SMPDL3B: variants seen among roughly 807,000 people sequenced by gnomAD.
SMPDL3B encodes the protein acid sphingomyelinase-like phosphodiesterase 3b.
In SMPDL3B, 31 loss-of-function variants were observed where a neutral mutation model predicts 37.9. That is an observed-to-expected ratio of 0.82 (90% CI 0.61 to 1.10). SMPDL3B has a LOEUF of 1.10. SMPDL3B is among the 50% of genes least tolerant of loss of function. The pLI, the probability that SMPDL3B is intolerant of heterozygous loss-of-function variation, is 0.00. For synonymous variants in SMPDL3B, 235 were observed against 242.6 expected (o/e 0.97, Z 0.29); for missense variants, 525 against 597.8 (o/e 0.88, Z 1.27).
intron 2 of SMPDL3B, 152 bp from the exon 3 acceptor site, chr1:27,948,913 A>C (rs2090432145): frequency 6.9e-7 from 1 of 1,447,410 alleles, no homozygotes; most frequent in Admixed American, 2.0e-5. Context: ...GCTCTGTCCC[A>C]TCTGACTCCA....
At chr1:27,953,379 T>C in intron 4 of SMPDL3B, 21 bp downstream of exon 4, 2 of 1,595,764 alleles carry the variant, frequency 1.3e-6, no homozygotes, top group Non-Finnish European at 1.7e-6. Context: ...CACCTGCTCC[T>C]ATCAAGAGCA....
chr1:27,944,890 A>C (rs1434465835), intron 1 of SMPDL3B, among the ~76,000 whole-genome samples: 1 of 152,094 alleles, frequency 6.6e-6, no homozygotes, highest in Non-Finnish European at 1.5e-5. Flanking sequence ...TCAGAGCCTG[A>C]GCACTTAACC....
At chr1:27,947,001 A>C (rs1293448941) in intron 2 of SMPDL3B, among the ~76,000 whole-genome samples, 1 of 150,302 alleles carries the variant, frequency 6.7e-6, no homozygotes, top group East Asian at 1.9e-4. Context: ...GACAGATGGG[A>C]TCCCTCAGGA....
chr1:27,937,216 A>G (rs2148671895), intron 1 of SMPDL3B, among the ~76,000 whole-genome samples: 1 of 152,316 alleles, frequency 6.6e-6, no homozygotes, highest in Non-Finnish European at 1.5e-5. Context: ...GGTGGATGCC[A>G]ACTTGCTGGC....
chr1:27,955,807 G>C lies in SMPDL3B; in HGVS notation c.814G>C (p.Gly272Arg). ...VVRKHHRVIA[G>R]QFFGHHHTDS... ...CCGGAAGCATCATCGCGTCATAGCA[G>C]GGCAGTTCTTCGGGCACCACCACAC... Residue 272 changes from glycine to arginine, a missense_variant, in exon 6 of 8, where the codon GGG becomes CGG. Transcript: ENST00000373894. The C allele has an allele frequency of 6.2e-7, 1 of 1,614,148 alleles. No homozygotes were observed. The highest frequency in any genetic ancestry group is 8.5e-7 in the Non-Finnish European group (1 of 1,180,032).
intron 1 of SMPDL3B, chr1:27,942,281 C>A (rs17162914): frequency 2.1e-6 from 1 of 469,584 alleles, no homozygotes; most frequent in Non-Finnish European, 4.4e-6. Flanking sequence ...GCAGAGGAAG[C>A]GCAAGGACCA....
Position 27,954,524 on chromosome 1 carries a change from A to T in SMPDL3B, c.688A>T (p.Met230Leu). ...VLTDASKAGD[M>L]VYIVGHVPPG... ...GACCGATGCATCCAAAGCTGGGGAC[A>T]TGGTAAGAGGCCCTGCTTCTTTCTT... is the stretch of plus-strand genomic sequence containing the variant. Residue 230 changes from methionine to leucine, a missense_variant and splice_region_variant, in exon 5 of 8, where the codon ATG (methionine) becomes TTG (leucine). Met to Leu is a conservative substitution (Grantham distance 15, BLOSUM62 2). Coordinates refer to ENST00000373894, the MANE Select transcript of SMPDL3B (RefSeq NM_014474.4). 1 of 1,613,546 alleles carries T rather than the reference A, an allele frequency of 6.2e-7. No individual in the cohort carries two copies. The highest frequency in any genetic ancestry group is 8.5e-7 in the Non-Finnish European group (1 of 1,179,784).
intron 1 of SMPDL3B, among the ~76,000 whole-genome samples, chr1:27,939,954 T>C (rs1434387760): frequency 6.6e-6 from 1 of 152,238 alleles, no homozygotes; most frequent in Non-Finnish European, 1.5e-5. Context: ...AGATTTTTAA[T>C]ATTGCTTTTG....
chr1:27,953,727 C>T (rs934227141), intron 4 of SMPDL3B, among the ~76,000 whole-genome samples: 4 of 152,208 alleles, frequency 2.6e-5, no homozygotes, highest in African/African-American at 9.6e-5. Context: ...ATAACTCTGT[C>T]GCAGACAACT....
rs1638390737 is a variant in SMPDL3B at position 27,958,930 on chromosome 1, TGAG to T, written c.*96_*98del. ...GGCCTTCCACCATTTCCTCCGCGCC[TGAG>T]GAGTGAACTGAAATAGGACAACCGA... is the stretch of plus-strand genomic sequence containing the variant. On this transcript the variant is annotated 3_prime_UTR_variant, in exon 8 of 8. Coordinates refer to ENST00000373894, the MANE Select transcript of SMPDL3B (RefSeq NM_014474.4). This position sits in a 1 kb window ranked among gnomAD's most constrained non-coding sequence, Gnocchi z 5.6. The T allele has an allele frequency of 4.4e-6, 6 of 1,372,572 alleles. No homozygotes were observed. The South Asian group carries it at 7.2e-5, about 17-fold the overall frequency. The allele number at this position is 1,372,572 out of a possible 1,614,324, so 85.0% of individuals were successfully genotyped here.
At chr1:27,956,283 T>G (rs949007617) in intron 7 of SMPDL3B, 2 of 1,513,108 alleles carry the variant, frequency 1.3e-6, no homozygotes, top group African/African-American at 2.8e-5. Context: ...CCAAGTCACC[T>G]TTTCCCCTGG....
In SMPDL3B at chr1:27,957,551, A is replaced by G. The variant is rs186722582; in HGVS notation, c.1006-925A>G. ...GGAGCTTGAAGAGGTGAGGATAGAGATGTGATCTGGGAGTGGAGAGAGGAC... is the reference window on the plus strand; with the variant it reads ...GGAGCTTGAAGAGGTGAGGATAGAGGTGTGATCTGGGAGTGGAGAGAGGAC... On this transcript the variant is annotated intron_variant, in intron 7 of 7. Coordinates refer to ENST00000373894, the MANE Select transcript of SMPDL3B (RefSeq NM_014474.4). 4.6e-5 allele frequency among the ~76,000 whole-genome samples: 7 copies of G among 152,144 alleles called. No homozygotes were observed. The East Asian group carries it at 1.2e-3, about 25-fold the overall frequency.
chr1:27,951,392 C>T (rs2148679102), intron 3 of SMPDL3B, among the ~76,000 whole-genome samples: 1 of 152,238 alleles, frequency 6.6e-6, no homozygotes, highest in East Asian at 1.9e-4. Flanking sequence ...AGTAAGTGGC[C>T]TAAGAAGAGG....
At chr1:27,956,312 T>C in intron 7 of SMPDL3B, 1 of 1,471,112 alleles carries the variant, frequency 6.8e-7, no homozygotes, top group Non-Finnish European at 9.0e-7. Context: ...CACAGCTTCA[T>C]ACCTGGTCTC....
chr1:27,954,556 T>C, intron 5 of SMPDL3B, 30 bp downstream of exon 5: 3 of 1,605,838 alleles, frequency 1.9e-6, no homozygotes, highest in Non-Finnish European at 2.6e-6. Context: ...TCTTTTCTCA[T>C]CTGGGGTTAT....
chr1:27,956,352 C>T, intron 7 of SMPDL3B: 2 of 1,328,598 alleles, frequency 1.5e-6, no homozygotes, highest in Non-Finnish European at 2.0e-6. Context: ...TGCTATGGCC[C>T]ATCCGCTACA....
chr1:27,958,586 C>T lies in SMPDL3B; in HGVS notation c.1116C>T (p.Ala372=). Residue 372 remains alanine (A), a synonymous_variant, in exon 8 of 8, where the codon GCC becomes GCT. Transcript: ENST00000373894. This position sits in a 1 kb window ranked among gnomAD's most constrained non-coding sequence, Gnocchi z 5.6. ...CCTATGGGGTGCCGGACGCCAGCGC[C>T]CACTCCATGCACACAGTGCTGGACC... ...TEAYGVPDAS[A]HSMHTVLDRI... is the part of the protein sequence containing the mutation. 2 of 1,613,928 alleles carry T rather than the reference C, an allele frequency of 1.2e-6. No homozygotes were observed. The highest frequency in any genetic ancestry group is 8.5e-7 in the Non-Finnish European group (1 of 1,180,000).
Position 27,945,226 on chromosome 1 carries a change from C to T in SMPDL3B, c.62-6C>T, listed in dbSNP as rs780353245. On this transcript the variant is annotated splice_polypyrimidine_tract_variant and splice_region_variant and intron_variant, in intron 1 of 7. Transcript: ENST00000373894. This position sits in a 1 kb window ranked among gnomAD's most constrained non-coding sequence, Gnocchi z 4.0. ...GCTTTGAAGGAGGATGTTTTTTCCC[C>T]TGCAGGGAAGTTCTGGCACATCGCT... The T allele has an allele frequency of 7.4e-6, 12 of 1,613,488 alleles. No homozygotes were observed. In the South Asian group the frequency reaches 1.3e-4, roughly 18 times the overall value.
chr1:27,955,631 G>T, intron 5 of SMPDL3B, 53 bp from the exon 6 acceptor site: 1 of 1,542,990 alleles, frequency 6.5e-7, no homozygotes, highest in South Asian at 1.2e-5. Context: ...AAGTAGAAAT[G>T]AGGGTCTGGA....
Sources: gnomAD v4.1 joint callset for allele counts (sites outside exome capture counted in the v4.1 genomes callset) on GRCh38, gnomAD v4.1.1 for gene constraint, Gnocchi (gnomAD v3.1) non-coding constraint, MANE v1.5 for transcripts, NCBI Gene and HGNC (gene_info 2026-07-23, HGNC 2026-07-21) for gene names.